Variants in PXDNL observed in about 807,000 individuals in gnomAD.
The protein encoded by PXDNL is peroxidasin like, also known as probable oxidoreductase PXDNL.
A neutral mutation model predicts 150.8 loss-of-function variants in PXDNL; 145 were observed. The observed-to-expected ratio is 0.96, with a 90% CI of 0.84 to 1.10. The LOEUF is 1.10. Among genes scored for constraint, PXDNL ranks in the 50% least tolerant of loss-of-function variants. The probability of loss-of-function intolerance (pLI) is 0.00; values close to 1 mark genes in which losing one functional copy is unlikely to be tolerated. For synonymous variants in PXDNL, 757 were observed against 725.7 expected, an observed-to-expected ratio of 1.04 and a Z score of -0.69; for missense variants, 2,087 against 1,873.9, an observed-to-expected ratio of 1.11 and a Z score of -2.10.
At chr8:51,653,353 G>A (rs976566943) in intron 2 of PXDNL, among the ~76,000 whole-genome samples, 1 of 152,166 alleles carries the variant, frequency 6.6e-6, no homozygotes, top group Admixed American at 6.5e-5. Context: ...GGGAGGCACA[G>A]GTTGCAGTGA....
intron 4 of PXDNL, among the ~76,000 whole-genome samples, chr8:51,509,141 A>C (rs1239480329): frequency 6.6e-6 from 1 of 152,176 alleles, no homozygotes; most frequent in Non-Finnish European, 1.5e-5. Flanking sequence ...CTCTCACCAC[A>C]CACACAAAAC....
At chr8:51,675,755 T>C (rs1234317149) in intron 1 of PXDNL, among the ~76,000 whole-genome samples, 3 of 125,340 alleles carry the variant, frequency 2.4e-5, no homozygotes, top group Non-Finnish European at 3.1e-5. Context: ...ATCACACCAC[T>C]GCACTCCAGC....
intron 1 of PXDNL, among the ~76,000 whole-genome samples, chr8:51,690,991 T>C (rs1318887659): frequency 1.3e-5 from 2 of 152,218 alleles, no homozygotes; most frequent in Admixed American, 6.5e-5. Context: ...TCTGTTCATA[T>C]CCTTTGCCCA....
chr8:51,526,618 C>T (rs1330107565), intron 4 of PXDNL, among the ~76,000 whole-genome samples: 1 of 152,194 alleles, frequency 6.6e-6, no homozygotes, highest in Non-Finnish European at 1.5e-5. Context: ...TTCTTCCTGT[C>T]ACTGAAGCTC....
chr8:51,534,323 C>T (rs1307696171), intron 4 of PXDNL, among the ~76,000 whole-genome samples: 1 of 147,094 alleles, frequency 6.8e-6, no homozygotes, highest in South Asian at 2.1e-4. Flanking sequence ...AGCGTCTACG[C>T]CCGGCAGCCA....
At chr8:51,682,062 T>C (rs2130848112) in intron 1 of PXDNL, among the ~76,000 whole-genome samples, 1 of 152,312 alleles carries the variant, frequency 6.6e-6, no homozygotes, top group Admixed American at 6.5e-5. Context: ...AAGAGGAAAG[T>C]GATTTTTACA....
At chr8:51,582,475 G>C (rs184190886) in intron 3 of PXDNL, among the ~76,000 whole-genome samples, 1 of 152,254 alleles carries the variant, frequency 6.6e-6, no homozygotes, top group Admixed American at 6.5e-5. Flanking sequence ...GGCTCTGACA[G>C]GTAAATTTTA....
intron 1 of PXDNL, among the ~76,000 whole-genome samples, chr8:51,679,903 C>T (rs1815705186): frequency 6.6e-6 from 1 of 152,200 alleles, no homozygotes; most frequent in South Asian, 2.1e-4. Context: ...CCTGTTTGTG[C>T]ACTCATAACT....
intron 22 of PXDNL, 191 bp downstream of exon 22, chr8:51,320,593 G>C: frequency 3.7e-6 from 2 of 534,534 alleles, no homozygotes; most frequent in South Asian, 2.7e-5. Context: ...CTGCTCATTA[G>C]ATTGTGACTA....
chr8:51,808,321 CA>C (rs2037699899), intron 1 of PXDNL, among the ~76,000 whole-genome samples: 1 of 152,166 alleles, frequency 6.6e-6, no homozygotes, highest in African/African-American at 2.4e-5. Flanking sequence ...CTGCATCTTT[CA>C]GCATTTTTCC....
At chr8:51,357,848 TTA>T (rs1806564790) in intron 19 of PXDNL, among the ~76,000 whole-genome samples, 1 of 152,204 alleles carries the variant, frequency 6.6e-6, no homozygotes, top group African/African-American at 2.4e-5. Flanking sequence ...CAACATACCT[TTA>T]AAGCTATGCC....
chr8:51,360,035 A>G (rs1230666427), intron 19 of PXDNL, among the ~76,000 whole-genome samples: 1 of 150,226 alleles, frequency 6.7e-6, no homozygotes, highest in Admixed American at 6.6e-5. Flanking sequence ...TTAGGAAAAG[A>G]GAAAAGCAAA....
At chr8:51,346,948 A>G (rs1806180463) in intron 19 of PXDNL, among the ~76,000 whole-genome samples, 1 of 152,184 alleles carries the variant, frequency 6.6e-6, no homozygotes. Context: ...AAAATTTCAT[A>G]TGAAAACAGA....
At chr8:51,680,896 A>T (rs974852011) in intron 1 of PXDNL, among the ~76,000 whole-genome samples, 1 of 152,196 alleles carries the variant, frequency 6.6e-6, no homozygotes, top group Non-Finnish European at 1.5e-5. Flanking sequence ...CTATTTTAGT[A>T]TGGAATTTCC....
chr8:51,707,007 C>T (rs1816394080), intron 1 of PXDNL, among the ~76,000 whole-genome samples: 1 of 152,178 alleles, frequency 6.6e-6, no homozygotes, highest in South Asian at 2.1e-4. Context: ...AAGAGAATTG[C>T]ACCATTACTG....
rs573286110 is a variant in PXDNL, at chr8:51,784,100, T to A, written c.164+25081A>T. Among the ~76,000 whole-genome samples the A allele has an allele frequency of 2.0e-5, 3 of 152,342 alleles. No individual in the cohort carries two copies. The East Asian group carries it at 5.8e-4, about 29-fold the overall frequency. The stretch of plus-strand genomic sequence containing the variant: ...ACTACTCAGAAATCTCTGCTCAACA[T>A]ACTCTTAGTTTAGCAAACTGTAAAG... On this transcript the variant is annotated intron_variant, in intron 1 of 22. Transcript: ENST00000356297.
In PXDNL at chr8:51,459,469, A is replaced by G. The variant is rs150334664; in HGVS notation, c.813-1802T>C. 1.4e-4 allele frequency among the ~76,000 whole-genome samples: 22 copies of G among 152,324 alleles called. No homozygotes were observed. The East Asian group carries it at 4.3e-3, about 29-fold the overall frequency. ...GCTACCAGATGTGTATGTGCTATCT[A>G]TCATCTGGCTACACAATGCAATAGA... is the stretch of plus-strand genomic sequence containing the variant. On this transcript the variant is annotated intron_variant, in intron 8 of 22. Transcript: ENST00000356297.
chr8:51,798,410 G>T (rs2037585066), intron 1 of PXDNL, among the ~76,000 whole-genome samples: 1 of 151,984 alleles, frequency 6.6e-6, no homozygotes, highest in African/African-American at 2.4e-5. Flanking sequence ...ATACAGAATG[G>T]GAAAAAATTT....
At chr8:51,654,313 A>C (rs1284589109) in intron 2 of PXDNL, among the ~76,000 whole-genome samples, 2 of 152,252 alleles carry the variant, frequency 1.3e-5, no homozygotes, top group Non-Finnish European at 2.9e-5. Context: ...AAGAAGGCCT[A>C]GTAGCATACT....
Sources: allele counts gnomAD v4.1 joint callset (sites outside exome capture counted in the v4.1 genomes callset), GRCh38; gene constraint gnomAD v4.1.1; transcripts MANE v1.5; gene names NCBI Gene and HGNC (gene_info 2026-07-23, HGNC 2026-07-21).